The following TAFA2 variants were observed in gnomAD, a reference collection of about 807,000 sequenced individuals.
The protein encoded by TAFA2 is chemokine-like protein TAFA-2.
TAFA2 carries 7 observed loss-of-function variants against 18.8 expected under a neutral mutation model. That is an observed-to-expected ratio of 0.37 (90% CI 0.21 to 0.70). The LOEUF is 0.70. Ranked by LOEUF, TAFA2 falls within the 30% of genes least tolerant of loss-of-function variation. The probability of loss-of-function intolerance (pLI) is 0.53; values close to 1 mark genes in which losing one functional copy is unlikely to be tolerated. For synonymous variants in TAFA2, 60 were observed against 54.2 expected, an observed-to-expected ratio of 1.11 and a Z score of -0.47; for missense variants, 122 against 158.1, an observed-to-expected ratio of 0.77 and a Z score of 1.23.
At position 62,066,125 on chromosome 12, in the gene TAFA2, C is replaced by CTGTG. The variant is rs1882479481; in HGVS notation, c.-2+125133_-2+125134insCACA. Among the ~76,000 whole-genome samples the CTGTG allele has an allele frequency of 1.2e-4, 9 of 74,622 alleles. 1 individual carries two copies. In the South Asian group the frequency reaches 3.3e-3, roughly 27 times the overall value. 49.0% of individuals were successfully genotyped at this position (74,622 alleles called of 152,430 possible). On this transcript the variant is annotated intron_variant, in intron 1 of 4. Transcript: ENST00000416284. Reference sequence around the variant, plus strand: ...ATAACACTGTTTTTTGCTGAAACAGCCGTGTGTGTGTGTGTGTGTGTGTGT... The same window carrying CTGTG: ...ATAACACTGTTTTTTGCTGAAACAGCTGTGCGTGTGTGTGTGTGTGTGTGTGTGT...
intron 1 of TAFA2, among the ~76,000 whole-genome samples, chr12:61,969,950 T>C (rs959332341): frequency 1.3e-5 from 2 of 151,512 alleles, no homozygotes; most frequent in Middle Eastern, 3.2e-3. Context: ...TGAAGCTACA[T>C]AGTCAGAGAA....
At chr12:62,077,965 T>A (rs1868263110) in intron 1 of TAFA2, among the ~76,000 whole-genome samples, 1 of 152,202 alleles carries the variant, frequency 6.6e-6, no homozygotes, top group Non-Finnish European at 1.5e-5. Context: ...ATTTGCTATA[T>A]CTACTCCCTA....
At chr12:62,156,992 G>A (rs141410165) in intron 1 of TAFA2, among the ~76,000 whole-genome samples, 4 of 152,012 alleles carry the variant, frequency 2.6e-5, no homozygotes, top group Non-Finnish European at 5.9e-5. Flanking sequence ...TACATTATTT[G>A]CCTTGGATGA....
chr12:61,919,290 T>G (rs899842004), intron 1 of TAFA2, among the ~76,000 whole-genome samples: 3 of 152,178 alleles, frequency 2.0e-5, no homozygotes, highest in Non-Finnish European at 4.4e-5. Context: ...ATCCAACCCT[T>G]TCCAGTTCCA....
chr12:62,021,614 C>T lies in TAFA2; in HGVS notation c.-1-154188G>A, dbSNP rs931672294. On this transcript the variant is annotated intron_variant, in intron 1 of 4. Transcript: ENST00000416284. ...GTGACGGCAGGCGGTTCTGGCTTCC[C>T]ACCCTTCTGTTCTGAGATGGGGTGG... The T allele has an allele frequency of 5.5e-6, 6 of 1,091,224 alleles. No homozygotes were observed. The Admixed American group carries it at 6.8e-5, about 12-fold the overall frequency. The allele number at this position is 1,091,224 out of a possible 1,614,324, so 67.6% of individuals were successfully genotyped here. A position where few individuals can be genotyped will look rare whatever the true frequency, so the allele number is the denominator to read the frequency against.
At chr12:61,861,322 C>T (rs1004216134) in intron 2 of TAFA2, among the ~76,000 whole-genome samples, 8 of 148,838 alleles carry the variant, frequency 5.4e-5, no homozygotes, top group African/African-American at 2.0e-4. Flanking sequence ...AGTGCAATGG[C>T]ATGATCCTAG....
At chr12:61,969,905 T>C (rs999823668) in intron 1 of TAFA2, among the ~76,000 whole-genome samples, 7 of 151,574 alleles carry the variant, frequency 4.6e-5, no homozygotes, top group African/African-American at 1.5e-4. Flanking sequence ...TTGGAGAATG[T>C]CAAGAGATCC....
At chr12:61,895,595 A>T (rs1445722297) in intron 1 of TAFA2, among the ~76,000 whole-genome samples, 2 of 152,216 alleles carry the variant, frequency 1.3e-5, no homozygotes, top group Non-Finnish European at 2.9e-5. Flanking sequence ...CATGTTCCCA[A>T]GAATAACGTC....
At chr12:62,163,301 C>T (rs1392443016) in intron 1 of TAFA2, among the ~76,000 whole-genome samples, 1 of 152,128 alleles carries the variant, frequency 6.6e-6, no homozygotes, top group African/African-American at 2.4e-5. Flanking sequence ...AATCTCCAAA[C>T]ACTGAAAGAA....
At chr12:62,096,825 T>G (rs1377825353) in intron 1 of TAFA2, among the ~76,000 whole-genome samples, 1 of 152,124 alleles carries the variant, frequency 6.6e-6, no homozygotes, top group Non-Finnish European at 1.5e-5. Flanking sequence ...TTGCCAGGCC[T>G]CTGTAATGTC....
At chr12:61,953,987 G>T (rs979365122) in intron 1 of TAFA2, among the ~76,000 whole-genome samples, 4 of 152,032 alleles carry the variant, frequency 2.6e-5, no homozygotes, top group Non-Finnish European at 4.4e-5. Flanking sequence ...CTTATTTGTA[G>T]AAATTAAAGA....
chr12:61,932,883 T>A (rs1877618993), intron 1 of TAFA2, among the ~76,000 whole-genome samples: 1 of 152,214 alleles, frequency 6.6e-6, no homozygotes, highest in African/African-American at 2.4e-5. Flanking sequence ...CCTTAATATG[T>A]TAGGAAGATC....
At chr12:61,971,939 G>A (rs2136665901) in intron 1 of TAFA2, among the ~76,000 whole-genome samples, 2 of 151,824 alleles carry the variant, frequency 1.3e-5, no homozygotes, top group South Asian at 4.1e-4. Context: ...CAATGGAACA[G>A]AATTGAGAGT....
At chr12:61,865,214 C>G (rs1874303048) in intron 2 of TAFA2, among the ~76,000 whole-genome samples, 1 of 152,180 alleles carries the variant, frequency 6.6e-6, no homozygotes. Flanking sequence ...TTCCACAGGT[C>G]AGATACACCA....
intron 1 of TAFA2, among the ~76,000 whole-genome samples, chr12:61,877,657 C>A (rs1874913676): frequency 6.6e-6 from 1 of 151,952 alleles, no homozygotes; most frequent in Admixed American, 6.6e-5. Flanking sequence ...AATTTGTATC[C>A]CATTACTTCA....
At chr12:61,852,129 C>T (rs113866091) in intron 2 of TAFA2, among the ~76,000 whole-genome samples, 2 of 151,560 alleles carry the variant, frequency 1.3e-5, no homozygotes, top group Non-Finnish European at 2.9e-5. Context: ...ATCGCTTGAA[C>T]CCAGAAGCAG....
At chr12:61,716,487 C>A (rs1244880555) in intron 4 of TAFA2, among the ~76,000 whole-genome samples, 1 of 151,936 alleles carries the variant, frequency 6.6e-6, no homozygotes, top group Admixed American at 6.6e-5. Flanking sequence ...TTTTAAATTT[C>A]AGTTGTTCCA....
chr12:62,104,519 A>G (rs1239328846), intron 1 of TAFA2, among the ~76,000 whole-genome samples: 1 of 152,230 alleles, frequency 6.6e-6, no homozygotes, highest in Admixed American at 6.5e-5. Flanking sequence ...TAAAAGTAGC[A>G]AGAAAGAAAA....
chr12:61,793,432 C>G (rs1871064066), intron 2 of TAFA2, among the ~76,000 whole-genome samples: 1 of 150,962 alleles, frequency 6.6e-6, no homozygotes, highest in Non-Finnish European at 1.5e-5. Flanking sequence ...GATGGTACTA[C>G]AGATTTTATA....
Sources: allele counts gnomAD v4.1 joint callset (sites outside exome capture counted in the v4.1 genomes callset), GRCh38; gene constraint gnomAD v4.1.1; transcripts MANE v1.5; gene names NCBI Gene and HGNC (gene_info 2026-07-23, HGNC 2026-07-21).